The following IQSEC1 variants were observed in gnomAD, a reference collection of about 807,000 sequenced individuals.
The protein encoded by IQSEC1 is IQ motif and SEC7 domain-containing protein 1.
In IQSEC1, 31 loss-of-function variants were observed where a neutral mutation model predicts 91.0. The observed-to-expected ratio is 0.34, with a 90% confidence interval of 0.26 to 0.46. The LOEUF (loss-of-function observed/expected upper bound fraction) is 0.46, where lower values mean the gene tolerates loss of function less well. Ranked by LOEUF, IQSEC1 falls within the 20% of genes least tolerant of loss-of-function variation. The pLI, the probability that IQSEC1 is intolerant of heterozygous loss-of-function variation, is 1.00. For missense variants in IQSEC1, 1,388 were observed against 1,575.6 expected, an observed-to-expected ratio of 0.88 and a Z score of 2.02; for synonymous variants, 699 against 662.6, an observed-to-expected ratio of 1.05 and a Z score of -0.84.
chr3:13,266,852 A>G (rs926721713), intron 1 of IQSEC1, among the ~76,000 whole-genome samples: 2 of 152,100 alleles, frequency 1.3e-5, no homozygotes, highest in African/African-American at 4.8e-5. Context: ...TCAGCCCCCA[A>G]AACGGGGTGC....
At chr3:13,110,503 C>T (rs1231853721) in intron 2 of IQSEC1, among the ~76,000 whole-genome samples, 1 of 152,098 alleles carries the variant, frequency 6.6e-6, no homozygotes, top group Non-Finnish European at 1.5e-5. Flanking sequence ...GCAGGAGAAT[C>T]GTTTGAACCC....
intron 1 of IQSEC1, among the ~76,000 whole-genome samples, chr3:13,227,142 G>A (rs1425155597): frequency 2.0e-5 from 3 of 151,872 alleles, no homozygotes; most frequent in African/African-American, 7.3e-5. Context: ...TTGGAAGGCC[G>A]AGGCAGGTGG....
At chr3:12,999,914 C>A (rs1265125449) in intron 1 of IQSEC1, among the ~76,000 whole-genome samples, 1 of 152,214 alleles carries the variant, frequency 6.6e-6, no homozygotes, top group Non-Finnish European at 1.5e-5. Flanking sequence ...CTTCCCTGCT[C>A]TAAACGCTTC....
At chr3:13,056,967 C>T (rs1020114544) in intron 1 of IQSEC1, among the ~76,000 whole-genome samples, 1 of 152,188 alleles carries the variant, frequency 6.6e-6, no homozygotes, top group Admixed American at 6.5e-5. Flanking sequence ...CATACATGTT[C>T]CCCTTGTCTC....
intron 2 of IQSEC1, among the ~76,000 whole-genome samples, chr3:13,145,748 G>A (rs970274535): frequency 6.8e-6 from 1 of 146,878 alleles, no homozygotes; most frequent in African/African-American, 2.5e-5. Flanking sequence ...GAACAGAACA[G>A]CAGAGGGAGC....
Position 12,900,837 on chromosome 3 carries a change from C to A in IQSEC1, c.*146G>T, listed in dbSNP as rs746865398. Reference sequence around the variant, plus strand: ...CCACACAACACCAGCCCTGTGGGCTCCTGGGGCTCCGGTTGGGCCGTGAGG... The same window carrying A: ...CCACACAACACCAGCCCTGTGGGCTACTGGGGCTCCGGTTGGGCCGTGAGG... On this transcript the variant is annotated 3_prime_UTR_variant, in exon 14 of 14. Coordinates refer to ENST00000613206, the MANE Select transcript of IQSEC1 (RefSeq NM_001134382.3). 1.3e-6 allele frequency: 2 copies of A among 1,515,608 alleles called. No individual in the cohort carries two copies. The highest frequency in any genetic ancestry group is 2.1e-5 in the Admixed American group (1 of 48,564). The allele number at this position is 1,515,608 out of a possible 1,614,324, so 93.9% of individuals were successfully genotyped here.
chr3:13,113,332 C>T (rs1706281923), intron 2 of IQSEC1, among the ~76,000 whole-genome samples: 1 of 152,166 alleles, frequency 6.6e-6, no homozygotes, highest in African/African-American at 2.4e-5. Flanking sequence ...ACACATAGGC[C>T]CTGAGGCCAA....
rs968993255 is a variant in IQSEC1 at position 12,900,519 on chromosome 3, A to G, written c.*464T>C. 8 of 918,428 alleles carry G rather than the reference A, an allele frequency of 8.7e-6. No individual in the cohort carries two copies. The highest frequency in any genetic ancestry group is 1.8e-5 in the African/African-American group (1 of 55,744). The allele number at this position is 918,428 out of a possible 1,614,324, so 56.9% of individuals were successfully genotyped here. On this transcript the variant is annotated 3_prime_UTR_variant, in exon 14 of 14. Transcript: ENST00000613206. ...GTTTACTTACGTATTTTCATCAACC[A>G]TATCAGGTCTACTTATTTTTTTGCC... is the stretch of plus-strand genomic sequence containing the variant.
intron 1 of IQSEC1, among the ~76,000 whole-genome samples, chr3:13,171,111 A>AAAAACAAAG (rs2125000513): frequency 6.7e-6 from 1 of 149,288 alleles, no homozygotes; most frequent in South Asian, 2.1e-4. Flanking sequence ...AAAAAACAAA[A>AAAAACAAAG]AAAACAAAAA....
intron 1 of IQSEC1, among the ~76,000 whole-genome samples, chr3:13,055,931 G>A (rs748812993): frequency 3.3e-5 from 5 of 152,016 alleles, no homozygotes; most frequent in Non-Finnish European, 7.4e-5. Context: ...GGCCCACCTG[G>A]CCCACCACAC....
intron 1 of IQSEC1, among the ~76,000 whole-genome samples, chr3:12,982,637 AAG>A (rs1382375502): frequency 6.6e-6 from 1 of 152,210 alleles, no homozygotes; most frequent in Non-Finnish European, 1.5e-5. Context: ...CTGTTCTAGA[AAG>A]AGAGAGAGGA....
At chr3:13,279,174 G>A (rs2125157853) in intron 1 of IQSEC1, among the ~76,000 whole-genome samples, 1 of 152,294 alleles carries the variant, frequency 6.6e-6, no homozygotes, top group South Asian at 2.1e-4. Flanking sequence ...AAAGGAAAAT[G>A]CAATGGCCTG....
intron 12 of IQSEC1, among the ~76,000 whole-genome samples, chr3:12,903,549 C>T (rs1231425982): frequency 6.6e-6 from 1 of 152,258 alleles, no homozygotes; most frequent in African/African-American, 2.4e-5. Context: ...GCATCTTCGT[C>T]ACGCCCCAGC....
intron 1 of IQSEC1, among the ~76,000 whole-genome samples, chr3:13,034,553 T>C (rs769439173): frequency 6.6e-6 from 1 of 152,198 alleles, no homozygotes; most frequent in Non-Finnish European, 1.5e-5. Context: ...TGGAGCCTGT[T>C]GGCACCTGCA....
At chr3:13,143,134 G>A (rs774421145) in intron 2 of IQSEC1, among the ~76,000 whole-genome samples, 4 of 152,222 alleles carry the variant, frequency 2.6e-5, no homozygotes, top group Non-Finnish European at 5.9e-5. Context: ...TAGAGTGTCA[G>A]CTCCTGGAGG....
intron 2 of IQSEC1, among the ~76,000 whole-genome samples, chr3:13,149,741 G>A (rs925447966): frequency 6.6e-6 from 1 of 151,754 alleles, no homozygotes; most frequent in African/African-American, 2.4e-5. Flanking sequence ...CCCTCTGTCC[G>A]CTGCCCCAAG....
At chr3:13,260,710 T>C (rs1197350413) in intron 1 of IQSEC1, among the ~76,000 whole-genome samples, 2 of 152,174 alleles carry the variant, frequency 1.3e-5, no homozygotes, top group Non-Finnish European at 2.9e-5. Context: ...GAGACCACGA[T>C]GGCCAAGAAG....
chr3:13,113,130 G>C (rs1342666563), intron 2 of IQSEC1, among the ~76,000 whole-genome samples: 1 of 152,178 alleles, frequency 6.6e-6, no homozygotes, highest in African/African-American at 2.4e-5. Flanking sequence ...TGAGGAGACA[G>C]AAGCCCAGAG....
At chr3:12,999,398 T>C (rs1015286347) in intron 1 of IQSEC1, among the ~76,000 whole-genome samples, 1 of 152,202 alleles carries the variant, frequency 6.6e-6, no homozygotes. Flanking sequence ...CTCGGCAGTG[T>C]GCTGTTCCTT....
Sources: allele counts gnomAD v4.1 joint callset (sites outside exome capture counted in the v4.1 genomes callset), GRCh38; gene constraint gnomAD v4.1.1; transcripts MANE v1.5; gene names NCBI Gene and HGNC (gene_info 2026-07-23, HGNC 2026-07-21).